CNTNAP2: variants seen among roughly 807,000 people sequenced by gnomAD.
CNTNAP2 encodes contactin associated protein 2.
In CNTNAP2, 98 loss-of-function variants were observed where a neutral mutation model predicts 155.2. The observed-to-expected ratio is 0.63, with a 90% CI of 0.54 to 0.75. The LOEUF (loss-of-function observed/expected upper bound fraction) is 0.75, where lower values mean the gene tolerates loss of function less well. Among genes scored for constraint, CNTNAP2 ranks in the 30% least tolerant of loss-of-function variants. CNTNAP2 has a pLI of 0.00. For missense variants in CNTNAP2, 1,727 were observed against 1,688.1 expected (o/e 1.02, Z -0.40); for synonymous variants, 651 against 631.2 (o/e 1.03, Z -0.47).
At chr7:147,047,277 T>TC in intron 4 of CNTNAP2, among the ~76,000 whole-genome samples, 1 of 42,238 alleles carries the variant, frequency 2.4e-5, no homozygotes, top group Admixed American at 2.6e-4. Context: ...CCCGGCTAAT[T>TC]TTTTTTTTTT....
intron 3 of CNTNAP2, among the ~76,000 whole-genome samples, chr7:146,875,210 T>A (rs1795395633): frequency 6.6e-6 from 1 of 152,140 alleles, no homozygotes; most frequent in Non-Finnish European, 1.5e-5. Flanking sequence ...TATACATATT[T>A]TCATGAGAAG....
At chr7:146,745,572 T>G (rs186732978) in intron 1 of CNTNAP2, among the ~76,000 whole-genome samples, 47 of 151,886 alleles carry the variant, frequency 3.1e-4, no homozygotes, top group African/African-American at 1.1e-3. Flanking sequence ...ATCGAGACCA[T>G]CCTGGCCAAC....
chr7:147,502,137 A>T (rs1798826142), intron 11 of CNTNAP2, among the ~76,000 whole-genome samples: 1 of 152,186 alleles, frequency 6.6e-6, no homozygotes, highest in South Asian at 2.1e-4. Context: ...TAGTCCCACT[A>T]AAATATCCTT....
intron 1 of CNTNAP2, among the ~76,000 whole-genome samples, chr7:146,627,417 A>T (rs1408139930): frequency 6.6e-6 from 1 of 152,174 alleles, no homozygotes; most frequent in Non-Finnish European, 1.5e-5. Context: ...TATGCTAAAG[A>T]AAACAATTTT....
chr7:147,543,999 A>G (rs1799684383), intron 11 of CNTNAP2, among the ~76,000 whole-genome samples: 1 of 152,206 alleles, frequency 6.6e-6, no homozygotes, highest in Non-Finnish European at 1.5e-5. Flanking sequence ...AAAACAATTT[A>G]TAAATATTCT....
intron 13 of CNTNAP2, among the ~76,000 whole-genome samples, chr7:147,699,380 C>A (rs1796204845): frequency 6.6e-6 from 1 of 151,830 alleles, no homozygotes; most frequent in Admixed American, 6.6e-5. Flanking sequence ...TGCTCTCACT[C>A]ATAAGTGGGA....
chr7:146,352,750 G>GATTTTTTTTTTTTTTTTT (rs1794934273), intron 1 of CNTNAP2, among the ~76,000 whole-genome samples: 1 of 64,338 alleles, frequency 1.6e-5, no homozygotes, highest in African/African-American at 6.4e-5. Flanking sequence ...GCATAATTCT[G>GATTTTTTTTTTTTTTTTT]TTTTTTTTTT....
At chr7:146,514,403 C>T (rs752330120) in intron 1 of CNTNAP2, among the ~76,000 whole-genome samples, 14 of 151,936 alleles carry the variant, frequency 9.2e-5, no homozygotes, top group Admixed American at 2.0e-4. Context: ...ATCTCATAGG[C>T]GTTCTTTGTT....
At chr7:147,316,193 G>T (rs1434438570) in intron 9 of CNTNAP2, among the ~76,000 whole-genome samples, 1 of 151,954 alleles carries the variant, frequency 6.6e-6, no homozygotes, top group Non-Finnish European at 1.5e-5. Flanking sequence ...TACTTCCTGG[G>T]TGATCTCAAT....
chr7:146,889,669 ATCT>A (rs1795738600), intron 3 of CNTNAP2, among the ~76,000 whole-genome samples: 1 of 152,134 alleles, frequency 6.6e-6, no homozygotes, highest in Non-Finnish European at 1.5e-5. Context: ...TTACTTTTAC[ATCT>A]TCTTGTTAAA....
intron 8 of CNTNAP2, among the ~76,000 whole-genome samples, chr7:147,271,198 G>A (rs1317829876): frequency 6.6e-6 from 1 of 151,240 alleles, no homozygotes; most frequent in Admixed American, 6.6e-5. Context: ...TAGCTGCTAA[G>A]TAAGTTGATA....
At chr7:147,544,135 C>G (rs1200276624) in intron 11 of CNTNAP2, among the ~76,000 whole-genome samples, 6 of 152,058 alleles carry the variant, frequency 3.9e-5, no homozygotes, top group Admixed American at 3.9e-4. Context: ...CCAAAGCCAT[C>G]AGAGATCTGT....
rs554695757 is a variant in CNTNAP2 at position 146,163,137 on chromosome 7, C to T, written c.97+46164C>T. On this transcript the variant is annotated intron_variant, in intron 1 of 23. Coordinates refer to ENST00000361727, the MANE Select transcript of CNTNAP2 (RefSeq NM_014141.6). The stretch of plus-strand genomic sequence containing the variant: ...AAACCTGCACGTTGTGCACATGTAC[C>T]CTAGAACTTAAAGTATAATAATAAA... Among the ~76,000 whole-genome samples the T allele has an allele frequency of 2.6e-5, 4 of 151,826 alleles. No individual in the cohort carries two copies. In the East Asian group the frequency reaches 5.8e-4, roughly 22 times the overall value.
chr7:148,180,061 AAAAG>A (rs916988138), intron 18 of CNTNAP2, among the ~76,000 whole-genome samples: 11 of 152,222 alleles, frequency 7.2e-5, no homozygotes, highest in African/African-American at 2.4e-4. Context: ...AATAGGGAGA[AAAAG>A]AAGAGAAATG....
intron 4 of CNTNAP2, among the ~76,000 whole-genome samples, chr7:147,057,657 CA>C (rs1799587704): frequency 6.6e-6 from 1 of 152,082 alleles, no homozygotes; most frequent in Admixed American, 6.6e-5. Context: ...AAAATTAACC[CA>C]AAAGTCTCCT....
chr7:146,343,303 A>G (rs1794762804), intron 1 of CNTNAP2, among the ~76,000 whole-genome samples: 1 of 152,076 alleles, frequency 6.6e-6, no homozygotes, highest in South Asian at 2.1e-4. Flanking sequence ...CAGACTAGAA[A>G]TCTGAGGTTT....
At chr7:146,646,832 G>A (rs530286982) in intron 1 of CNTNAP2, among the ~76,000 whole-genome samples, 1 of 152,172 alleles carries the variant, frequency 6.6e-6, no homozygotes, top group Non-Finnish European at 1.5e-5. Flanking sequence ...CCAGAAAGAA[G>A]GTGTCAAGAC....
intron 13 of CNTNAP2, among the ~76,000 whole-genome samples, chr7:147,689,292 G>A (rs1036704386): frequency 6.6e-6 from 1 of 151,838 alleles, no homozygotes; most frequent in African/African-American, 2.4e-5. Flanking sequence ...TGGGATTACA[G>A]TTACGCACCA....
chr7:147,277,569 G>T (rs1030230184), intron 8 of CNTNAP2, among the ~76,000 whole-genome samples: 2 of 151,620 alleles, frequency 1.3e-5, no homozygotes, highest in African/African-American at 4.8e-5. Context: ...GATAATTCAG[G>T]TTGCTAAGTA....
Sources: gnomAD v4.1 joint callset for allele counts (sites outside exome capture counted in the v4.1 genomes callset) on GRCh38, gnomAD v4.1.1 for gene constraint, MANE v1.5 for transcripts, NCBI Gene and HGNC (gene_info 2026-07-23, HGNC 2026-07-21) for gene names.